ASIC2: variants seen among roughly 807,000 people sequenced by gnomAD.
The protein encoded by ASIC2 is acid-sensing ion channel 2.
A neutral mutation model predicts 57.3 loss-of-function variants in ASIC2; 25 were observed. The ratio of observed to expected loss-of-function variants is 0.44; its 90% confidence interval spans 0.32 to 0.61. The LOEUF (loss-of-function observed/expected upper bound fraction) is 0.61. ASIC2 is among the 20% of genes least tolerant of loss of function. The pLI is 0.06. For missense variants in ASIC2, 641 were observed against 738.1 expected (o/e 0.87, Z 1.52); for synonymous variants, 319 against 307.5 (o/e 1.04, Z -0.39).
chr17:33,817,756 A>G (rs1912629874), intron 1 of ASIC2, among the ~76,000 whole-genome samples: 1 of 152,198 alleles, frequency 6.6e-6, no homozygotes, highest in Admixed American at 6.5e-5. Context: ...ATTTTCCTAA[A>G]GAACCCACGA....
chr17:34,037,401 C>T (rs11652269), intron 1 of ASIC2: 23,791 of 489,814 alleles, frequency 0.049, 784 homozygotes, highest in Middle Eastern at 0.075. Context: ...GAACCTCGGG[C>T]GGGGCCTTTT....
intron 1 of ASIC2, among the ~76,000 whole-genome samples, chr17:33,912,628 G>C (rs1437704547): frequency 1.3e-5 from 2 of 152,144 alleles, no homozygotes; most frequent in Non-Finnish European, 2.9e-5. Context: ...TCTGACTTAA[G>C]GGAATTGTCA....
chr17:33,043,987 A>G (rs1238372447), intron 3 of ASIC2, among the ~76,000 whole-genome samples: 1 of 152,254 alleles, frequency 6.6e-6, no homozygotes, highest in East Asian at 1.9e-4. Flanking sequence ...GCTCATATCC[A>G]TTGCAAAAAT....
intron 3 of ASIC2, among the ~76,000 whole-genome samples, chr17:33,075,691 A>G (rs2092086531): frequency 6.6e-6 from 1 of 152,104 alleles, no homozygotes; most frequent in African/African-American, 2.4e-5. Flanking sequence ...GCTCACTTCA[A>G]TTCCACAAAC....
intron 1 of ASIC2, among the ~76,000 whole-genome samples, chr17:33,472,534 A>G (rs142100958): frequency 9.1e-4 from 139 of 152,294 alleles, no homozygotes; most frequent in Admixed American, 1.8e-3. Flanking sequence ...TCTGAGCTCT[A>G]AAACTCATCT....
chr17:34,132,079 A>AG (rs1428083460), intron 1 of ASIC2, among the ~76,000 whole-genome samples: 2 of 152,202 alleles, frequency 1.3e-5, no homozygotes, highest in Non-Finnish European at 2.9e-5. Context: ...ATGCCTCTGC[A>AG]GGGGACACAA....
intron 1 of ASIC2, among the ~76,000 whole-genome samples, chr17:33,950,994 G>T (rs1403248162): frequency 6.6e-6 from 1 of 152,114 alleles, no homozygotes; most frequent in Non-Finnish European, 1.5e-5. Context: ...TCTATTCATT[G>T]GGAGGTAACA....
At chr17:34,112,651 A>G (rs1032097772) in intron 1 of ASIC2, among the ~76,000 whole-genome samples, 2 of 152,192 alleles carry the variant, frequency 1.3e-5, no homozygotes, top group African/African-American at 4.8e-5. Flanking sequence ...CAGTGAAGCC[A>G]GCATGTGAAA....
chr17:33,189,945 G>T (rs993584647), intron 1 of ASIC2, among the ~76,000 whole-genome samples: 2 of 152,174 alleles, frequency 1.3e-5, no homozygotes, highest in Admixed American at 1.3e-4. Flanking sequence ...AAGGGTGAAT[G>T]ATCTTCCCCT....
chr17:33,184,449 C>A (rs1906107264), intron 1 of ASIC2, among the ~76,000 whole-genome samples: 1 of 152,130 alleles, frequency 6.6e-6, no homozygotes, highest in Admixed American at 6.5e-5. Context: ...CAGCCTTATG[C>A]ATTTAAAACG....
chr17:33,406,010 A>C (rs1005534543), intron 1 of ASIC2, among the ~76,000 whole-genome samples: 16 of 147,608 alleles, frequency 1.1e-4, no homozygotes, highest in African/African-American at 3.7e-4. Context: ...GGAAAATGCA[A>C]AACAGGCTCT....
chr17:33,291,281 C>T, intron 1 of ASIC2, 127 bp downstream of exon 1: 1 of 1,430,946 alleles, frequency 7.0e-7, no homozygotes, highest in South Asian at 1.5e-5. Flanking sequence ...TGGGTTCTGC[C>T]TTGGCATCGT....
intron 1 of ASIC2, among the ~76,000 whole-genome samples, chr17:33,671,099 T>C (rs1192865584): frequency 6.6e-6 from 1 of 152,146 alleles, no homozygotes; most frequent in Non-Finnish European, 1.5e-5. Context: ...AGCTCCTTTA[T>C]CAATTACTCC....
chr17:33,408,788 G>T (rs1173255398), intron 1 of ASIC2, among the ~76,000 whole-genome samples: 4 of 152,224 alleles, frequency 2.6e-5, no homozygotes, highest in African/African-American at 7.2e-5. Context: ...TCTCGGGTAA[G>T]GCAGTGGAGT....
At chr17:33,610,023 A>C (rs899463990) in intron 1 of ASIC2, among the ~76,000 whole-genome samples, 3 of 146,796 alleles carry the variant, frequency 2.0e-5, no homozygotes, top group Non-Finnish European at 3.0e-5. Context: ...TGCACCCACC[A>C]TCTCTCTTCA....
intron 1 of ASIC2, among the ~76,000 whole-genome samples, chr17:33,909,895 C>T (rs1351288321): frequency 6.6e-6 from 1 of 152,112 alleles, no homozygotes; most frequent in Non-Finnish European, 1.5e-5. Context: ...GGTAGTGGCT[C>T]TGGGGCCTGG....
chr17:33,197,063 A>G (rs1237222026), intron 1 of ASIC2, among the ~76,000 whole-genome samples: 3 of 152,234 alleles, frequency 2.0e-5, no homozygotes, highest in African/African-American at 7.2e-5. Context: ...TTCCTGAGAA[A>G]GTCACTTAAC....
At chr17:33,622,345 G>C (rs1905828616) in intron 1 of ASIC2, among the ~76,000 whole-genome samples, 1 of 152,118 alleles carries the variant, frequency 6.6e-6, no homozygotes, top group South Asian at 2.1e-4. Context: ...CTTTAGGATT[G>C]AGTCAAGATT....
At chr17:33,443,652 G>A (rs1232337130) in intron 1 of ASIC2, among the ~76,000 whole-genome samples, 1 of 151,340 alleles carries the variant, frequency 6.6e-6, no homozygotes, top group Non-Finnish European at 1.5e-5. Context: ...TCCTGACCTC[G>A]TGATCCGCCC....
Sources: allele counts gnomAD v4.1 joint callset (sites outside exome capture counted in the v4.1 genomes callset), GRCh38; gene constraint gnomAD v4.1.1; transcripts MANE v1.5; gene names NCBI Gene and HGNC (gene_info 2026-07-23, HGNC 2026-07-21).